IGFL2: variants seen among roughly 807,000 people sequenced by gnomAD.
IGFL2 encodes the protein IGF like family member 2.
Under a neutral mutation model 13.9 loss-of-function variants are expected in IGFL2, and 7 were observed. That is an observed-to-expected ratio of 0.51 (90% CI 0.29 to 0.95). The LOEUF (loss-of-function observed/expected upper bound fraction) is 0.95. IGFL2 is among the 40% of genes least tolerant of loss of function. The pLI, the probability that IGFL2 is intolerant of heterozygous loss-of-function variation, is 0.08. For synonymous variants in IGFL2, 55 were observed against 55.8 expected (o/e 0.99, Z 0.07); for missense variants, 138 against 147.8 (o/e 0.93, Z 0.34).
the IGFL2 span, among the ~76,000 whole-genome samples, chr19:46,095,101 C>A: frequency 6.6e-6 from 1 of 152,024 alleles, no homozygotes; most frequent in South Asian, 2.1e-4. Flanking sequence ...TGAGGAATTG[C>A]CACTGTTTTC....
the IGFL2 span, chr19:46,195,777 T>C: frequency 0.52 from 78,693 of 152,010 alleles, 21,944 homozygotes; most frequent in Non-Finnish European, 0.64. Context: ...CCCTGTGGCT[T>C]CCCGATCACA....
chr19:46,178,406 T>A, the IGFL2 span, among the ~76,000 whole-genome samples: 1 of 152,142 alleles, frequency 6.6e-6, no homozygotes, highest in Non-Finnish European at 1.5e-5. Flanking sequence ...AATCAAAATA[T>A]TTTGCCCCAA....
chr19:46,104,661 C>A, the IGFL2 span, among the ~76,000 whole-genome samples: 1 of 152,064 alleles, frequency 6.6e-6, no homozygotes, highest in Non-Finnish European at 1.5e-5. Context: ...TGGACAGGGG[C>A]AAATCCCTGA....
At chr19:46,139,343 AT>A (rs61483326), upstream of IGFL2, among the ~76,000 whole-genome samples, 22 of 146,818 alleles carry the variant, frequency 1.5e-4, no homozygotes, top group Admixed American at 4.9e-4. Flanking sequence ...ATCAAAACCA[AT>A]TTTTTTTTTT....
the IGFL2 span, among the ~76,000 whole-genome samples, chr19:46,107,236 A>G: frequency 1.3e-5 from 2 of 152,138 alleles, no homozygotes; most frequent in Non-Finnish European, 2.9e-5. Flanking sequence ...GGATGGACTT[A>G]CCCTCCACTG....
At chr19:46,153,649 A>G (rs960095916) in intron 1 of IGFL2, among the ~76,000 whole-genome samples, 5 of 152,018 alleles carry the variant, frequency 3.3e-5, no homozygotes, top group Non-Finnish European at 7.4e-5. Flanking sequence ...AGTAGTTACA[A>G]GTTATATAAT....
At chr19:46,135,457 C>T in the IGFL2 span, among the ~76,000 whole-genome samples, 1 of 152,182 alleles carries the variant, frequency 6.6e-6, no homozygotes, top group Non-Finnish European at 1.5e-5. Flanking sequence ...AACCCCTGCT[C>T]TGAACCATCC....
chr19:46,195,161 A>G, the IGFL2 span: 6 of 151,550 alleles, frequency 4.0e-5, no homozygotes, highest in Non-Finnish European at 7.4e-5. Flanking sequence ...GACTGCAGGT[A>G]TGTGCCACCA....
rs1973247978 is a variant in IGFL2 at position 46,148,291 on chromosome 19, A to G, written c.13A>G (p.Ile5Val). MVPR[I>V]FAPAYVSVCL... is the part of the protein sequence containing the mutation. Reference sequence around the variant, plus strand: ...GCTCTGAAGCTCCATGGTGCCCAGAATCTTCGGTAAGGTAACCCTTGCCCC... The same window carrying G: ...GCTCTGAAGCTCCATGGTGCCCAGAGTCTTCGGTAAGGTAACCCTTGCCCC... Residue 5 changes from isoleucine to valine, a missense_variant, in exon 1 of 4, where the codon ATC (isoleucine) becomes GTC (valine). By Grantham distance (29) the Ile-to-Val change is conservative. Transcript: ENST00000377693. The G allele has an allele frequency of 3.2e-6, 5 of 1,551,568 alleles. No individual in the cohort carries two copies. Among genetic ancestry groups the G allele is most frequent in the Middle Eastern group, 1.7e-4 (1 of 5,990 alleles).
At chr19:46,214,040 C>A in the IGFL2 span, 1 of 152,530 alleles carries the variant, frequency 6.6e-6, no homozygotes, top group Non-Finnish European at 1.5e-5. Flanking sequence ...CAGCTCCGTC[C>A]TTCTGAAACC....
the IGFL2 span, among the ~76,000 whole-genome samples, chr19:46,178,330 A>G: frequency 1.4e-4 from 22 of 152,162 alleles, no homozygotes; most frequent in South Asian, 3.5e-3. Flanking sequence ...CTCTGTGACA[A>G]TAAGATACCA....
At chr19:46,186,249 G>T in the IGFL2 span, among the ~76,000 whole-genome samples, 1 of 152,222 alleles carries the variant, frequency 6.6e-6, no homozygotes, top group Non-Finnish European at 1.5e-5. Flanking sequence ...CAGGCCGCAG[G>T]CAGGGCACCC....
the IGFL2 span, among the ~76,000 whole-genome samples, chr19:46,089,364 T>C: frequency 6.6e-6 from 1 of 152,234 alleles, no homozygotes; most frequent in Non-Finnish European, 1.5e-5. Context: ...TTATTTTTAA[T>C]AGTTTTTAAA....
chr19:46,094,192 TGTA>T, the IGFL2 span, among the ~76,000 whole-genome samples: 5 of 151,952 alleles, frequency 3.3e-5, no homozygotes, highest in South Asian at 1.0e-3. Flanking sequence ...TTTATAAAGG[TGTA>T]GTAATCAAGA....
chr19:46,123,903 G>A, the IGFL2 span: 1 of 1,610,910 alleles, frequency 6.2e-7, no homozygotes, highest in Non-Finnish European at 8.5e-7. Context: ...AGCTCCGGGA[G>A]ATGGGAGATA....
chr19:46,177,971 A>G, the IGFL2 span, among the ~76,000 whole-genome samples: 1 of 152,162 alleles, frequency 6.6e-6, no homozygotes, highest in African/African-American at 2.4e-5. Flanking sequence ...ACAACTGGCC[A>G]TCATTAACAT....
upstream of IGFL2, among the ~76,000 whole-genome samples, chr19:46,141,964 C>T (rs547141012): frequency 6.6e-6 from 1 of 152,318 alleles, no homozygotes; most frequent in African/African-American, 2.4e-5. Context: ...CTCATTTGCT[C>T]TCCTCAGAGA....
At chr19:46,202,852 T>G in the IGFL2 span, 3 of 152,196 alleles carry the variant, frequency 2.0e-5, no homozygotes, top group Non-Finnish European at 2.9e-5. Flanking sequence ...GATTTAAAAT[T>G]GGTGAGAAGT....
chr19:46,194,852 ATTTTTTT>A, the IGFL2 span, among the ~76,000 whole-genome samples: 29 of 31,586 alleles, frequency 9.2e-4, no homozygotes, highest in South Asian at 0.019. Flanking sequence ...ATATATATAT[ATTTTTTT>A]TTTTTTTTTT....
Sources: allele counts gnomAD v4.1 joint callset (sites outside exome capture counted in the v4.1 genomes callset), GRCh38; gene constraint gnomAD v4.1.1; transcripts MANE v1.5; gene names NCBI Gene and HGNC (gene_info 2026-07-23, HGNC 2026-07-21).